The following PPP2R1B variants were observed in gnomAD, a reference collection of about 807,000 sequenced individuals.
The protein encoded by PPP2R1B is protein phosphatase 2 scaffold subunit Abeta, also known as serine/threonine-protein phosphatase 2A 65 kDa regulatory subunit A beta isoform.
Under a neutral mutation model 72.7 loss-of-function variants are expected in PPP2R1B, and 58 were observed. The observed-to-expected ratio is 0.80, with a 90% CI of 0.65 to 0.99. PPP2R1B has a LOEUF of 0.99. PPP2R1B is among the 50% of genes least tolerant of loss of function. The pLI, the probability that PPP2R1B is intolerant of heterozygous loss-of-function variation, is 0.00. For missense variants in PPP2R1B, 695 were observed against 733.6 expected (o/e 0.95, Z 0.61); for synonymous variants, 256 against 264.6 (o/e 0.97, Z 0.32).
chr11:111,749,624 A>G (rs1349678996), intron 10 of PPP2R1B, among the ~76,000 whole-genome samples: 11 of 152,184 alleles, frequency 7.2e-5, no homozygotes, highest in African/African-American at 2.4e-4. Context: ...CACTTACTTA[A>G]CATCGTCCAC....
At chr11:111,701,645 AG>A in the PPP2R1B span, 1 of 1,543,690 alleles carries the variant, frequency 6.5e-7, no homozygotes, top group South Asian at 1.3e-5. This position sits in a 1 kb window ranked among gnomAD's most constrained non-coding sequence, Gnocchi z 4.2. Context: ...CCTAGGTAAA[AG>A]CTTCTTTTTT....
intron 11 of PPP2R1B, among the ~76,000 whole-genome samples, chr11:111,747,273 T>C (rs370852229): frequency 5.9e-5 from 9 of 152,350 alleles, no homozygotes; most frequent in African/African-American, 1.7e-4. Context: ...TGTCACCCAC[T>C]GCTGCCTGGC....
chr11:111,712,168 G>A, the PPP2R1B span: 2 of 1,564,094 alleles, frequency 1.3e-6, no homozygotes, highest in African/African-American at 1.4e-5. Flanking sequence ...TTATAGAGAA[G>A]GTATTCATGT....
At position 111,766,329 on chromosome 11, in the gene PPP2R1B, T is replaced by A. The variant is rs782156543; in HGVS notation, c.33A>T (p.Pro11=). The change falls in exon 1 of 15, where the codon CCA becomes CCT. Residue 11 remains proline (P), a synonymous_variant. Coordinates refer to ENST00000527614, the MANE Select transcript of PPP2R1B (RefSeq NM_002716.5). ...CATCTCCATCTCCACCCGCTGCTCC[T>A]GGGCCGGTCCCGAGCTCTGATGCGC... MAGASELGTG[P]GAAGGDGDDS... 6.5e-7 allele frequency: 1 copy of A among 1,541,776 alleles called. No homozygotes were observed. Among genetic ancestry groups the A allele is most frequent in the African/African-American group, 1.9e-5 (1 of 51,916 alleles).
chr11:111,714,187 T>C, the PPP2R1B span, among the ~76,000 whole-genome samples: 3 of 152,124 alleles, frequency 2.0e-5, no homozygotes, highest in Non-Finnish European at 2.9e-5. Flanking sequence ...TAGGGAAGCC[T>C]AAGTCCATCT....
intron 14 of PPP2R1B, 152 bp downstream of exon 14, chr11:111,741,901 T>C: frequency 1.2e-6 from 1 of 820,144 alleles, no homozygotes; most frequent in Non-Finnish European, 2.1e-6. Context: ...AAGAGGGTTC[T>C]AATCAGAGAG....
At chr11:111,761,623 C>G (rs1555051487) in intron 3 of PPP2R1B, among the ~76,000 whole-genome samples, 2 of 152,150 alleles carry the variant, frequency 1.3e-5, no homozygotes, top group African/African-American at 4.8e-5. Flanking sequence ...TTTCCATTAG[C>G]CATAGGGCAG....
Position 111,741,166 on chromosome 11 carries a change from AT to A in PPP2R1B, c.*429del. On this transcript the variant is annotated 3_prime_UTR_variant, in exon 15 of 15. Coordinates refer to ENST00000527614, the MANE Select transcript of PPP2R1B (RefSeq NM_002716.5). The stretch of plus-strand genomic sequence containing the variant: ...GTTTATAAAATAAGTTATTCTAAAC[AT>A]GTACATTTAGCTTTGGAATGATGGA... The A allele has an allele frequency of 1.0e-6, 1 of 994,288 alleles. No homozygotes were observed. Among genetic ancestry groups the A allele is most frequent in the Non-Finnish European group, 1.2e-6 (1 of 835,312 alleles). The allele number at this position is 994,288 out of a possible 1,614,324, so 61.6% of individuals were successfully genotyped here.
downstream of PPP2R1B, chr11:111,737,594 T>TA: frequency 5.6e-6 from 9 of 1,614,068 alleles, no homozygotes; most frequent in Non-Finnish European, 7.6e-6. Flanking sequence ...AGTGGCGCTG[T>TA]AACTGTCCCT....
Position 111,737,882 on chromosome 11 carries a change from G to T in PPP2R1B, c.*3714C>A. 3 of 1,170,758 alleles carry T rather than the reference G, an allele frequency of 2.6e-6. No individual in the cohort carries two copies. Among genetic ancestry groups the T allele is most frequent in the Non-Finnish European group, 3.2e-6 (3 of 940,232 alleles). The allele number at this position is 1,170,758 out of a possible 1,614,324, so 72.5% of individuals were successfully genotyped here. A position where few individuals can be genotyped will look rare whatever the true frequency, so the allele number is the denominator to read the frequency against. On this transcript the variant is annotated 3_prime_UTR_variant, in exon 15 of 15. Transcript: ENST00000527614. ...CACAGGAAAGACCTGGCTCCTTTCA[G>T]AACTCATATCAGTTTAAGAGAACAA...
chr11:111,756,888 C>G (rs1205150795), intron 5 of PPP2R1B, among the ~76,000 whole-genome samples: 39 of 151,934 alleles, frequency 2.6e-4, no homozygotes. Context: ...CCGAGGCAGG[C>G]GGATCACCTG....
the PPP2R1B span, among the ~76,000 whole-genome samples, chr11:111,695,641 T>G: frequency 1.3e-5 from 2 of 152,222 alleles, no homozygotes; most frequent in African/African-American, 4.8e-5. Flanking sequence ...CAGAGCTTGT[T>G]ACAAATGCAG....
intron 1 of PPP2R1B, 105 bp downstream of exon 1, chr11:111,766,127 TTTCTGCTACGAGTCCG>T: frequency 1.1e-6 from 1 of 914,724 alleles, no homozygotes; most frequent in Non-Finnish European, 1.7e-6. Flanking sequence ...CCCCTTCAAG[TTTCTGCTACGAGTCCG>T]ACTCATTCAG....
the PPP2R1B span, among the ~76,000 whole-genome samples, chr11:111,704,179 C>G: frequency 1.1e-4 from 17 of 152,144 alleles, no homozygotes; most frequent in Non-Finnish European, 2.5e-4. Context: ...CACTTTGCGC[C>G]CAGTGATGTT....
chr11:111,746,716 TATAAC>T (rs1260110766), intron 11 of PPP2R1B, among the ~76,000 whole-genome samples: 2 of 152,190 alleles, frequency 1.3e-5, no homozygotes, highest in East Asian at 3.8e-4. Flanking sequence ...ATTTATCAGA[TATAAC>T]ATAAACATTT....
chr11:111,720,772 TC>T, the PPP2R1B span: 1 of 1,577,678 alleles, frequency 6.3e-7, no homozygotes, highest in Non-Finnish European at 8.6e-7. Context: ...GGTGAGCACT[TC>T]CTCCTCTGCT....
downstream of PPP2R1B, chr11:111,737,585 GTGGCGCTGTAACTGTCCC>G: frequency 6.2e-7 from 1 of 1,614,174 alleles, no homozygotes; most frequent in Non-Finnish European, 8.5e-7. Context: ...GACACAGACA[GTGGCGCTGTAACTGTCCC>G]TGACCAGGGC....
chr11:111,764,355 C>T (rs572893975), intron 3 of PPP2R1B, among the ~76,000 whole-genome samples: 66 of 152,028 alleles, frequency 4.3e-4, no homozygotes, highest in Non-Finnish European at 7.1e-4. Flanking sequence ...TCACATTGGT[C>T]TTCTTCAACA....
the PPP2R1B span, chr11:111,705,247 T>C: frequency 8.3e-7 from 1 of 1,207,880 alleles, no homozygotes; most frequent in Non-Finnish European, 1.1e-6. This position sits in a 1 kb window ranked among gnomAD's most constrained non-coding sequence, Gnocchi z 4.3. Context: ...TACACTCCGT[T>C]TTTCTGTAAA....
Sources: allele counts gnomAD v4.1 joint callset (sites outside exome capture counted in the v4.1 genomes callset), GRCh38; gene constraint gnomAD v4.1.1; non-coding constraint Gnocchi (gnomAD v3.1); transcripts MANE v1.5; gene names NCBI Gene and HGNC (gene_info 2026-07-23, HGNC 2026-07-21).